Variants in ITGAE observed in about 807,000 individuals in gnomAD.
ITGAE encodes the protein integrin alpha-E.
In ITGAE, 99 loss-of-function variants were observed where a neutral mutation model predicts 136.5. The observed-to-expected ratio is 0.73, with a 90% CI of 0.62 to 0.86. The LOEUF (loss-of-function observed/expected upper bound fraction) is 0.86. Among genes scored for constraint, ITGAE ranks in the 40% least tolerant of loss-of-function variants. The pLI, the probability that ITGAE is intolerant of heterozygous loss-of-function variation, is 0.00. For missense variants in ITGAE, 1,447 were observed against 1,515.3 expected (o/e 0.95, Z 0.75); for synonymous variants, 613 against 591.8 (o/e 1.04, Z -0.52).
At chr17:3,726,687 A>C in intron 26 of ITGAE, 2 of 185,048 alleles carry the variant, frequency 1.1e-5, no homozygotes, top group Non-Finnish European at 2.2e-5. Context: ...AATAAACTAC[A>C]TGTGAAAACA....
chr17:3,745,606 T>G (rs546051996), intron 18 of ITGAE, among the ~76,000 whole-genome samples, 158 bp downstream of exon 18: 1 of 152,270 alleles, frequency 6.6e-6, no homozygotes, highest in South Asian at 2.1e-4. Context: ...CCTCCCAAAG[T>G]GCTGGGATGA....
At chr17:3,753,213 C>T in intron 14 of ITGAE, 77 bp downstream of exon 14, 1 of 1,513,536 alleles carries the variant, frequency 6.6e-7, no homozygotes, top group Non-Finnish European at 9.0e-7. Context: ...GGCCAGGGCA[C>T]TCCCAGCCTC....
intron 29 of ITGAE, among the ~76,000 whole-genome samples, chr17:3,718,680 A>G (rs937566385): frequency 6.6e-6 from 1 of 152,238 alleles, no homozygotes; most frequent in African/African-American, 2.4e-5. Flanking sequence ...ATAGAAATAA[A>G]AGTATCAGTA....
At position 3,759,413 on chromosome 17, in the gene ITGAE, C is replaced by G; in HGVS notation, c.855G>C (p.Met285Ile). ...GCCCCCACACTCACAAGACGTGTTG[C>G]ATGGCTGAGGCAGTCTTGGTGACAC... ...VGSVTKTASA[M>I]QHVLDSIFTS... is the part of the protein sequence containing the mutation. The change falls in exon 8 of 31, where the codon ATG becomes ATC. Residue 285 changes from methionine (M) to isoleucine (I), a missense_variant. Physicochemically the swap from Met to Ile is conservative, Grantham distance 10 (BLOSUM62 1). Coordinates refer to ENST00000263087, the MANE Select transcript of ITGAE (RefSeq NM_002208.5). 1 of 1,613,850 alleles carries G rather than the reference C, an allele frequency of 6.2e-7. No homozygotes were observed. The highest frequency in any genetic ancestry group is 8.5e-7 in the Non-Finnish European group (1 of 1,179,750).
At chr17:3,756,395 G>A (rs1365152578) in intron 10 of ITGAE, among the ~76,000 whole-genome samples, 1 of 148,922 alleles carries the variant, frequency 6.7e-6, no homozygotes, top group Non-Finnish European at 1.5e-5. Context: ...CACCACGCCT[G>A]GCTAATTTTT....
At chr17:3,751,253 C>A (rs970470871) in intron 15 of ITGAE, among the ~76,000 whole-genome samples, 1 of 151,580 alleles carries the variant, frequency 6.6e-6, no homozygotes, top group Non-Finnish European at 1.5e-5. Context: ...GAGAGGCTGG[C>A]AAGGGAGCCC....
rs773869101 is a variant in ITGAE at position 3,716,755 on chromosome 17, G to A, written c.3377C>T (p.Pro1126Leu). The part of the protein sequence containing the change: ...FLKDEKYHSL[P>L]IIIKGSVGGL... ...ACCAACGCTGCCTTTAATGATGATAGGCAAAGAATGGTACTTCTCATCTTT... is the reference window on the plus strand; with the variant it reads ...ACCAACGCTGCCTTTAATGATGATAAGCAAAGAATGGTACTTCTCATCTTT... Residue 1126 changes from proline to leucine, a missense_variant, in exon 30 of 31, where the codon CCT becomes CTT. Physicochemically the swap from Pro to Leu is moderately conservative, Grantham distance 98. Transcript: ENST00000263087. 1 of 1,609,812 alleles carries A rather than the reference G, an allele frequency of 6.2e-7. No homozygotes were observed. Among genetic ancestry groups the A allele is most frequent in the South Asian group, 1.1e-5 (1 of 90,968 alleles).
At chr17:3,797,143 ATATATATATATATATTT>A (rs753310390) in intron 1 of ITGAE, among the ~76,000 whole-genome samples, 3,903 of 40,806 alleles carry the variant, frequency 0.096, 197 homozygotes, top group African/African-American at 0.2. Context: ...GAAACTAAAT[ATATATATATATATATTT>A]TTTTTTTTTT....
intron 7 of ITGAE, 123 bp downstream of exon 7, chr17:3,760,049 T>C (rs2052126954): frequency 4.5e-6 from 3 of 659,648 alleles, no homozygotes. Context: ...AGAAGAATCA[T>C]CCAGCTGAGC....
intron 26 of ITGAE, chr17:3,725,483 A>C (rs1426075827): frequency 6.2e-7 from 1 of 1,614,232 alleles, no homozygotes; most frequent in South Asian, 1.1e-5. Context: ...TTGCTATTGA[A>C]GGACCAGATT....
intron 11 of ITGAE, 23 bp from the exon 12 acceptor site, chr17:3,755,284 C>T (rs770231495): frequency 1.8e-5 from 28 of 1,545,594 alleles, no homozygotes; most frequent in Non-Finnish European, 2.3e-5. Context: ...GGGATGGGGC[C>T]CAGATGAGTG....
intron 18 of ITGAE, among the ~76,000 whole-genome samples, 198 bp downstream of exon 18, chr17:3,745,566 T>C (rs2051691923): frequency 6.6e-6 from 1 of 152,190 alleles, no homozygotes; most frequent in African/African-American, 2.4e-5. Flanking sequence ...GGTCTCGAAC[T>C]CCTGACCTCA....
intron 1 of ITGAE, among the ~76,000 whole-genome samples, chr17:3,785,914 T>A (rs947391014): frequency 2.0e-5 from 3 of 151,946 alleles, no homozygotes; most frequent in African/African-American, 7.3e-5. Context: ...ACTCCTGTAA[T>A]CCCAGAACTT....
intron 1 of ITGAE, among the ~76,000 whole-genome samples, chr17:3,790,299 G>A (rs1053728113): frequency 6.6e-6 from 1 of 152,134 alleles, no homozygotes; most frequent in South Asian, 2.1e-4. Flanking sequence ...CTGAGGTCAG[G>A]AGTTCAAGAC....
At chr17:3,739,424 T>G (rs1039762119) in intron 20 of ITGAE, among the ~76,000 whole-genome samples, 1 of 152,152 alleles carries the variant, frequency 6.6e-6, no homozygotes, top group Non-Finnish European at 1.5e-5. Flanking sequence ...TTTGATTGAT[T>G]AGTTAATTTG....
chr17:3,739,936 C>T (rs1428367687), intron 19 of ITGAE, 58 bp from the exon 20 acceptor site: 7 of 1,390,232 alleles, frequency 5.0e-6, no homozygotes, highest in East Asian at 4.6e-5. Context: ...AGCAGCCCTG[C>T]CTCCGGCTCT....
intron 2 of ITGAE, among the ~76,000 whole-genome samples, chr17:3,776,920 T>C (rs1483064020): frequency 1.3e-5 from 2 of 151,808 alleles, no homozygotes; most frequent in Non-Finnish European, 2.9e-5. Context: ...GTTACTTCCA[T>C]AAGGAACAAA....
At chr17:3,795,799 G>A (rs1477598140) in intron 1 of ITGAE, among the ~76,000 whole-genome samples, 1 of 151,724 alleles carries the variant, frequency 6.6e-6, no homozygotes, top group African/African-American at 2.4e-5. Flanking sequence ...GTGCATCCGT[G>A]TGTGCTTGTG....
At chr17:3,732,148 G>A (rs553006602) in intron 22 of ITGAE, among the ~76,000 whole-genome samples, 3 of 152,212 alleles carry the variant, frequency 2.0e-5, no homozygotes, top group South Asian at 2.1e-4. Context: ...TCTGCTTCAC[G>A]GAGGTGAGCA....
Sources: allele counts gnomAD v4.1 joint callset (sites outside exome capture counted in the v4.1 genomes callset), GRCh38; gene constraint gnomAD v4.1.1; transcripts MANE v1.5; gene names NCBI Gene and HGNC (gene_info 2026-07-23, HGNC 2026-07-21).